Variants in TMEM132D observed in about 807,000 individuals in gnomAD.
The protein encoded by TMEM132D is mature OL transmembrane protein.
In TMEM132D, 21 loss-of-function variants were observed where a neutral mutation model predicts 62.3. That is an observed-to-expected ratio of 0.34 (90% CI 0.24 to 0.49). The LOEUF is 0.49. TMEM132D is among the 20% of genes least tolerant of loss of function. The pLI, the probability that TMEM132D is intolerant of heterozygous loss-of-function variation, is 0.99. For missense variants in TMEM132D, 1,346 were observed against 1,402.8 expected (o/e 0.96, Z 0.65); for synonymous variants, 621 against 575.6 (o/e 1.08, Z -1.13).
intron 1 of TMEM132D, among the ~76,000 whole-genome samples, chr12:129,736,250 G>A (rs543444159): frequency 2.0e-5 from 3 of 152,282 alleles, no homozygotes; most frequent in Admixed American, 1.3e-4. Flanking sequence ...ATAACAGTGT[G>A]ATACTTCTTT....
chr12:129,741,032 T>C (rs1473646542), intron 1 of TMEM132D, among the ~76,000 whole-genome samples: 2 of 152,196 alleles, frequency 1.3e-5, no homozygotes, highest in Non-Finnish European at 2.9e-5. Flanking sequence ...ATTTGTGTCA[T>C]TTCAGCCAAA....
intron 2 of TMEM132D, among the ~76,000 whole-genome samples, chr12:129,660,460 T>C (rs905069103): frequency 1.3e-5 from 2 of 152,152 alleles, no homozygotes; most frequent in African/African-American, 4.8e-5. Context: ...TGTGGCCACC[T>C]GACATGGAGA....
chr12:129,721,907 C>A (rs1378464397), intron 1 of TMEM132D, among the ~76,000 whole-genome samples: 1 of 152,242 alleles, frequency 6.6e-6, no homozygotes, highest in Non-Finnish European at 1.5e-5. Flanking sequence ...AAGCCTACTT[C>A]TCAGATGTGG....
rs139140995 is a variant in TMEM132D, at chr12:129,090,567, C to A, written c.1444-5865G>T. Reference sequence around the variant, plus strand: ...CCTGTAGTCCTAGCTATTCAGAAGGCTGAGGCAGGAGAATTGCTTGAACCC... The same window carrying A: ...CCTGTAGTCCTAGCTATTCAGAAGGATGAGGCAGGAGAATTGCTTGAACCC... On this transcript the variant is annotated intron_variant, in intron 5 of 8. Transcript: ENST00000422113. 4.8e-4 allele frequency among the ~76,000 whole-genome samples: 73 copies of A among 152,078 alleles called. 1 individual carries two copies. The East Asian group carries it at 0.013, about 27-fold the overall frequency.
At chr12:129,614,986 T>C (rs756248456) in intron 2 of TMEM132D, among the ~76,000 whole-genome samples, 7 of 152,184 alleles carry the variant, frequency 4.6e-5, no homozygotes, top group Non-Finnish European at 8.8e-5. Flanking sequence ...TTATATCTCT[T>C]GTAATCAGAA....
At chr12:129,575,294 T>C (rs1349486811) in intron 2 of TMEM132D, among the ~76,000 whole-genome samples, 1 of 151,862 alleles carries the variant, frequency 6.6e-6, no homozygotes, top group Admixed American at 6.6e-5. Flanking sequence ...TAATTAAGTT[T>C]TGGAGGAGTC....
intron 3 of TMEM132D, among the ~76,000 whole-genome samples, chr12:129,523,773 G>A (rs778582679): frequency 1.3e-5 from 2 of 152,176 alleles, no homozygotes; most frequent in Non-Finnish European, 2.9e-5. Context: ...TGGTGAGTGA[G>A]TCAGCCTGAA....
At chr12:129,173,964 A>G (rs1348629505) in intron 5 of TMEM132D, among the ~76,000 whole-genome samples, 1 of 152,168 alleles carries the variant, frequency 6.6e-6, no homozygotes, top group Non-Finnish European at 1.5e-5. Context: ...TTTTGGAGTA[A>G]TTTTAAGTTG....
chr12:129,476,395 T>C lies in TMEM132D; in HGVS notation c.1115+54664A>G, dbSNP rs1159666172. Among the ~76,000 whole-genome samples, 5 of 152,322 alleles carry C rather than the reference T, an allele frequency of 3.3e-5. No homozygotes were observed. In the South Asian group the frequency reaches 1.0e-3, roughly 32 times the overall value. On this transcript the variant is annotated intron_variant, in intron 3 of 8. Coordinates refer to ENST00000422113, the MANE Select transcript of TMEM132D (RefSeq NM_133448.3). ...CAAGTCATCCACAGCCATATTTAAA[T>C]ATCATTGCGGACCCACTGCACGTAT... is the stretch of plus-strand genomic sequence containing the variant.
At chr12:129,520,605 T>C (rs1270301651) in intron 3 of TMEM132D, among the ~76,000 whole-genome samples, 1 of 152,214 alleles carries the variant, frequency 6.6e-6, no homozygotes, top group Non-Finnish European at 1.5e-5. Flanking sequence ...AAGATTGTTA[T>C]TGTCAGAGTT....
chr12:129,148,267 T>C (rs537322684), intron 5 of TMEM132D, among the ~76,000 whole-genome samples: 64 of 152,292 alleles, frequency 4.2e-4, no homozygotes, highest in African/African-American at 1.5e-3. Flanking sequence ...GGCAGAATAA[T>C]GGCCCCCAAA....
rs1459409573 is a variant in TMEM132D at position 129,700,208 on chromosome 12, C to T, written c.570G>A (p.Gly190=). Residue 190 remains glycine (G), a synonymous_variant, in exon 2 of 9, where the codon GGG becomes GGA. Coordinates refer to ENST00000422113, the MANE Select transcript of TMEM132D (RefSeq NM_133448.3). ...GGAGCTCCAGCTCGGCCACGCACAG[C>T]CCCAGGTCCCCCTGCAGCCGGCAGC... is the stretch of plus-strand genomic sequence containing the variant. ...RGSCRLQGDL[G]LCVAELELLS... is the part of the protein sequence containing the mutation. The T allele has an allele frequency of 1.2e-6, 2 of 1,612,862 alleles. No homozygotes were observed. The highest frequency in any genetic ancestry group is 1.7e-6 in the Non-Finnish European group (2 of 1,179,942).
At chr12:129,828,705 G>A (rs1186796510) in intron 1 of TMEM132D, among the ~76,000 whole-genome samples, 1 of 17,194 alleles carries the variant, frequency 5.8e-5, no homozygotes, top group Non-Finnish European at 1.1e-4. Flanking sequence ...GGGAGGGAGG[G>A]AGAAGGAAGG....
intron 1 of TMEM132D, among the ~76,000 whole-genome samples, chr12:129,806,660 A>T (rs375046263): frequency 4.3e-4 from 65 of 151,880 alleles, no homozygotes; most frequent in African/African-American, 1.6e-3. Context: ...AACCTGCACA[A>T]TGTGCACATG....
intron 3 of TMEM132D, among the ~76,000 whole-genome samples, chr12:129,382,695 T>G (rs567016680): frequency 6.6e-6 from 1 of 152,170 alleles, no homozygotes; most frequent in Non-Finnish European, 1.5e-5. Flanking sequence ...TTGCAAGGGA[T>G]CTAGAAAGCT....
At chr12:129,706,942 C>T (rs1162866556) in intron 1 of TMEM132D, among the ~76,000 whole-genome samples, 1 of 151,156 alleles carries the variant, frequency 6.6e-6, no homozygotes, top group Non-Finnish European at 1.5e-5. Context: ...GTGAAGCAGC[C>T]AAAGATGCAG....
At chr12:129,106,750 C>G (rs775645624) in intron 5 of TMEM132D, among the ~76,000 whole-genome samples, 1 of 152,138 alleles carries the variant, frequency 6.6e-6, no homozygotes, top group Non-Finnish European at 1.5e-5. Context: ...GGAGTAGAAG[C>G]GATGGGTGTC....
chr12:129,165,420 G>A (rs979487728), intron 5 of TMEM132D, among the ~76,000 whole-genome samples: 8 of 152,174 alleles, frequency 5.3e-5, no homozygotes, highest in African/African-American at 1.9e-4. Context: ...ACAAACAAGT[G>A]TTTATATATA....
At chr12:129,896,788 ATTTATATACTTTACTTAC>A (rs932715217) in intron 1 of TMEM132D, among the ~76,000 whole-genome samples, 3 of 151,902 alleles carry the variant, frequency 2.0e-5, no homozygotes, top group Admixed American at 6.6e-5. Context: ...ATTTCCCTTT[ATTTATATACTTTACTTAC>A]TTTATATACT....
Sources: allele counts gnomAD v4.1 joint callset (sites outside exome capture counted in the v4.1 genomes callset), GRCh38; gene constraint gnomAD v4.1.1; transcripts MANE v1.5; gene names NCBI Gene and HGNC (gene_info 2026-07-23, HGNC 2026-07-21).